EGFR: variants seen among roughly 807,000 people sequenced by gnomAD.
EGFR encodes avian erythroblastic leukemia viral (v-erb-b) oncogene homolog.
In EGFR, 58 loss-of-function variants were observed where a neutral mutation model predicts 143.0. That is an observed-to-expected ratio of 0.41 (90% confidence interval 0.33 to 0.50). The LOEUF (loss-of-function observed/expected upper bound fraction) is 0.50. EGFR is among the 20% of genes least tolerant of loss of function. The probability of loss-of-function intolerance (pLI) is 0.39; values close to 1 mark genes in which losing one functional copy is unlikely to be tolerated. For missense variants in EGFR, 1,307 were observed against 1,579.0 expected, an observed-to-expected ratio of 0.83 and a Z score of 2.92; for synonymous variants, 613 against 594.4, an observed-to-expected ratio of 1.03 and a Z score of -0.45.
chr7:55,137,942 A>T (rs1455781035), intron 1 of EGFR, among the ~76,000 whole-genome samples: 1 of 152,192 alleles, frequency 6.6e-6, no homozygotes, highest in Non-Finnish European at 1.5e-5. Context: ...TACACTTAAG[A>T]TTAATCCTCT....
At chr7:55,170,286 T>C (rs766518775) in intron 15 of EGFR, 4 of 1,613,982 alleles carry the variant, frequency 2.5e-6, no homozygotes, top group African/African-American at 1.3e-5. Context: ...TATTGAAATG[T>C]ACTTGTCCAT....
At position 55,083,413 on chromosome 7, in the gene EGFR, T is replaced by C. The variant is rs571257253; in HGVS notation, c.89-58873T>C. Among the ~76,000 whole-genome samples the C allele has an allele frequency of 2.9e-4, 44 of 152,326 alleles. No homozygotes were observed. The South Asian group carries it at 9.1e-3, about 32-fold the overall frequency. Reference sequence around the variant, plus strand: ...GGATTTTCTTCTTGACTCACTCCACTGTGGCCTCCCTCATCCAGGACTGTA... The same window carrying C: ...GGATTTTCTTCTTGACTCACTCCACCGTGGCCTCCCTCATCCAGGACTGTA... On this transcript the variant is annotated intron_variant, in intron 1 of 27. Transcript: ENST00000275493.
intron 1 of EGFR, 61 bp from the exon 2 acceptor site, chr7:55,142,225 T>C (rs1794497732): frequency 6.2e-7 from 1 of 1,603,850 alleles, no homozygotes. Context: ...TGAGGGATTG[T>C]TTTATTTTAG....
Position 55,156,865 on chromosome 7 carries a change from G to T in EGFR, c.1207+33G>T, listed in dbSNP as rs765945520. Reference sequence around the variant, plus strand: ...CTGAATTATCACATGAATATAAATGGGAAATCAGTGTTTTAGAGAGAGAAC... The same window carrying T: ...CTGAATTATCACATGAATATAAATGTGAAATCAGTGTTTTAGAGAGAGAAC... On this transcript the variant is annotated intron_variant, in intron 10 of 27. Coordinates refer to ENST00000275493, the MANE Select transcript of EGFR (RefSeq NM_005228.5). 7.5e-5 allele frequency: 121 copies of T among 1,614,052 alleles called. No individual in the cohort carries two copies. In the East Asian group the frequency reaches 2.6e-3, roughly 35 times the overall value.
At chr7:55,030,898 A>G (rs1787207662) in intron 1 of EGFR, among the ~76,000 whole-genome samples, 1 of 152,258 alleles carries the variant, frequency 6.6e-6, no homozygotes, top group Non-Finnish European at 1.5e-5. Context: ...TCTGGGTTGA[A>G]GGAATGGAAT....
intron 1 of EGFR, among the ~76,000 whole-genome samples, chr7:55,049,474 T>C (rs1341672400): frequency 6.6e-6 from 1 of 152,204 alleles, no homozygotes; most frequent in Non-Finnish European, 1.5e-5. Context: ...CCAGTGCTTG[T>C]ATCAGCCCTT....
intron 20 of EGFR, 35 bp from the exon 21 acceptor site, chr7:55,191,684 A>G: frequency 6.2e-7 from 1 of 1,612,812 alleles, no homozygotes; most frequent in Non-Finnish European, 8.5e-7. Context: ...TCCCATGATG[A>G]TCTGTCCCTC....
chr7:55,183,382 G>A (rs1464035592), intron 20 of EGFR, among the ~76,000 whole-genome samples: 1 of 152,150 alleles, frequency 6.6e-6, no homozygotes, highest in Non-Finnish European at 1.5e-5. Context: ...TATTAAAAAA[G>A]ATCCCAGTCA....
At chr7:55,183,640 G>A (rs1786995653) in intron 20 of EGFR, among the ~76,000 whole-genome samples, 1 of 152,184 alleles carries the variant, frequency 6.6e-6, no homozygotes, top group South Asian at 2.1e-4. Context: ...CTCTCCTCCT[G>A]GTTATCTGAA....
Position 55,207,310 on chromosome 7 carries a change from A to G in EGFR, c.*1693A>G, listed in dbSNP as rs1168025592. The G allele has an allele frequency of 1.7e-5, 4 of 232,196 alleles. No individual in the cohort carries two copies. The highest frequency in any genetic ancestry group is 3.4e-5 in the Non-Finnish European group (4 of 117,498). The allele number at this position is 232,196 out of a possible 1,614,324, so 14.4% of individuals were successfully genotyped here. ...AAAGTATTTGATTTTTGTCTCAATG[A>G]AAATAAAACTATATTCATTTCCACT... is the stretch of plus-strand genomic sequence containing the variant. On this transcript the variant is annotated 3_prime_UTR_variant, in exon 28 of 28. Transcript: ENST00000275493.
intron 4 of EGFR, among the ~76,000 whole-genome samples, 180 bp downstream of exon 4, chr7:55,146,920 T>C (rs1386277558): frequency 2.0e-5 from 3 of 152,226 alleles, no homozygotes; most frequent in African/African-American, 7.2e-5. Flanking sequence ...AGATCGTTTT[T>C]TTGTGGCGGG....
At chr7:55,150,524 C>A (rs1403669318) in intron 4 of EGFR, among the ~76,000 whole-genome samples, 1 of 152,192 alleles carries the variant, frequency 6.6e-6, no homozygotes, top group Non-Finnish European at 1.5e-5. Flanking sequence ...CCATGAACAC[C>A]TCTAGTTTAC....
At chr7:55,103,748 A>G (rs1236737739) in intron 1 of EGFR, among the ~76,000 whole-genome samples, 1 of 152,222 alleles carries the variant, frequency 6.6e-6, no homozygotes, top group Non-Finnish European at 1.5e-5. Context: ...AGACTCTTAA[A>G]TATTCTGGAA....
At position 55,203,128 on chromosome 7, in the gene EGFR, C is replaced by T. The variant is rs139109288; in HGVS notation, c.3271+503C>T. On this transcript the variant is annotated intron_variant, in intron 27 of 27. Transcript: ENST00000275493. The stretch of plus-strand genomic sequence containing the variant: ...ATATACACACACATACACATACACA[C>T]ATATACACACACCACACACATACAC... 225 of 252,690 alleles carry T rather than the reference C, an allele frequency of 8.9e-4. 1 individual carries two copies. The highest frequency in any genetic ancestry group is 1.5e-3 in the Non-Finnish European group (192 of 129,954). The allele number at this position is 252,690 out of a possible 1,614,324, so 15.7% of individuals were successfully genotyped here. A position where few individuals can be genotyped will look rare whatever the true frequency, so the allele number is the denominator to read the frequency against.
At position 55,196,178 on chromosome 7, in the gene EGFR, A is replaced by ATTTTTTTTTTTTTTTTTTTTTTTTT. The variant is rs61541412; in HGVS notation, c.2702-2524_2702-2523insTTTTTTTTTTTTTTTTTTTTTTTTT. Among the ~76,000 whole-genome samples, 82 of 88,098 alleles carry ATTTTTTTTTTTTTTTTTTTTTTTTT rather than the reference A, an allele frequency of 9.3e-4. 2 individuals are homozygous for ATTTTTTTTTTTTTTTTTTTTTTTTT. The highest frequency in any genetic ancestry group is 1.5e-3 in the African/African-American group (31 of 20,350). The allele number at this position is 88,098 out of a possible 152,430, so 57.8% of individuals were successfully genotyped here. On this transcript the variant is annotated intron_variant, in intron 22 of 27. Coordinates refer to ENST00000275493, the MANE Select transcript of EGFR (RefSeq NM_005228.5). ...CACAACCTCACCAGCATGTGTTGGG[A>ATTTTTTTTTTTTTTTTTTTTTTTTT]TTTTTTTTTTTTTTTACTTTTCAAT...
rs1786423974 is a variant in EGFR at position 55,173,017 on chromosome 7, G to A, written c.1954G>A (p.Gly652Arg). Reference sequence around the variant, plus strand: ...CCCGTCCATCGCCACTGGGATGGTGGGGGCCCTCCTCTTGCTGCTGGTGGT... The same window carrying A: ...CCCGTCCATCGCCACTGGGATGGTGAGGGCCCTCCTCTTGCTGCTGGTGGT... ...KIPSIATGMV[G>R]ALLLLLVVAL... is the part of the protein sequence containing the mutation. The change falls in exon 17 of 28, where the codon GGG (glycine) becomes AGG (arginine). Residue 652 changes from glycine (G) to arginine (R), a missense_variant. Physicochemically the swap from Gly to Arg is moderately radical, Grantham distance 125. Around this residue, in one of 7 missense-constraint regions of EGFR, gnomAD observed 348 missense variants for 451.5 expected, o/e 0.77. Coordinates refer to ENST00000275493, the MANE Select transcript of EGFR (RefSeq NM_005228.5). 3 of 1,614,022 alleles carry A rather than the reference G, an allele frequency of 1.9e-6. No individual in the cohort carries two copies. The highest frequency in any genetic ancestry group is 2.7e-5 in the African/African-American group (2 of 74,930).
At chr7:55,134,451 G>A (rs538221229) in intron 1 of EGFR, among the ~76,000 whole-genome samples, 15 of 152,326 alleles carry the variant, frequency 9.8e-5, no homozygotes, top group South Asian at 2.1e-4. Flanking sequence ...GCCTTCCTCC[G>A]TCCAAAAGCC....
chr7:55,161,331 C>T (rs566694508), intron 12 of EGFR, among the ~76,000 whole-genome samples, 168 bp from the exon 13 acceptor site: 33 of 152,370 alleles, frequency 2.2e-4, no homozygotes, highest in African/African-American at 7.5e-4. Context: ...CAGTCACGGT[C>T]GGCCTCTGGG....
At chr7:55,163,937 C>A (rs1173180268) in intron 14 of EGFR, 114 bp downstream of exon 14, 2 of 1,211,490 alleles carry the variant, frequency 1.7e-6, no homozygotes, top group Admixed American at 1.7e-5. Flanking sequence ...ATCAGAGCCA[C>A]TTCCCAGAGG....
Sources: gnomAD v4.1 joint callset for allele counts (sites outside exome capture counted in the v4.1 genomes callset) on GRCh38, gnomAD v4.1.1 for gene constraint, gnomAD v4.1.1 regional missense constraint, MANE v1.5 for transcripts, NCBI Gene and HGNC (gene_info 2026-07-23, HGNC 2026-07-21) for gene names.